Variants in POU6F2 observed in about 807,000 individuals in gnomAD.
The protein encoded by POU6F2 is POU class 6 homeobox 2, also known as POU domain, class 6, transcription factor 2.
A neutral mutation model predicts 71.3 loss-of-function variants in POU6F2; 31 were observed. The ratio of observed to expected loss-of-function variants is 0.43; its 90% CI spans 0.33 to 0.59. The LOEUF is 0.59. Ranked by LOEUF, POU6F2 falls within the 20% of genes least tolerant of loss-of-function variation. POU6F2 has a pLI of 0.04. For missense variants in POU6F2, 783 were observed against 856.8 expected (o/e 0.91, Z 1.07); for synonymous variants, 347 against 355.7 (o/e 0.98, Z 0.27).
chr7:39,107,421 TA>T (rs1189026091), intron 2 of POU6F2, among the ~76,000 whole-genome samples: 2 of 152,208 alleles, frequency 1.3e-5, no homozygotes, highest in Non-Finnish European at 2.9e-5. Flanking sequence ...TCAACTTTTG[TA>T]GACTGTTAGA....
chr7:39,100,605 T>C (rs1165296613), intron 2 of POU6F2, among the ~76,000 whole-genome samples: 6 of 152,238 alleles, frequency 3.9e-5, no homozygotes, highest in Admixed American at 3.3e-4. Context: ...TTGAAAAATA[T>C]TAAATCATGG....
intron 3 of POU6F2, among the ~76,000 whole-genome samples, chr7:39,205,813 C>G (rs897575791): frequency 3.3e-5 from 5 of 152,274 alleles, no homozygotes; most frequent in African/African-American, 4.8e-5. Context: ...AGAGTCTCCC[C>G]CAAAGGGTCC....
At chr7:39,274,029 T>C (rs1784388872) in intron 4 of POU6F2, among the ~76,000 whole-genome samples, 2 of 152,178 alleles carry the variant, frequency 1.3e-5, no homozygotes, top group South Asian at 2.1e-4. Flanking sequence ...AAACTAACAG[T>C]TGTATTCAAG....
At chr7:39,116,617 C>A (rs552066497) in intron 2 of POU6F2, among the ~76,000 whole-genome samples, 2 of 152,216 alleles carry the variant, frequency 1.3e-5, no homozygotes, top group African/African-American at 4.8e-5. Flanking sequence ...GAACTCAGGT[C>A]TCTCTGGCCC....
chr7:39,236,416 C>T (rs1037583112), intron 4 of POU6F2, among the ~76,000 whole-genome samples: 2 of 152,118 alleles, frequency 1.3e-5, no homozygotes, highest in African/African-American at 2.4e-5. Context: ...ATTGTGTTTG[C>T]ATTTTTTTTC....
chr7:39,041,306 G>A (rs1007555718), intron 1 of POU6F2, among the ~76,000 whole-genome samples: 10 of 151,992 alleles, frequency 6.6e-5, no homozygotes, highest in Non-Finnish European at 1.3e-4. Flanking sequence ...AAAGAAGTAT[G>A]ATGCTTATAT....
At chr7:39,289,611 A>T (rs1457073992) in intron 4 of POU6F2, among the ~76,000 whole-genome samples, 1 of 152,218 alleles carries the variant, frequency 6.6e-6, no homozygotes, top group African/African-American at 2.4e-5. Flanking sequence ...TTGAAATTCT[A>T]GTGTAGCTCT....
intron 5 of POU6F2, among the ~76,000 whole-genome samples, chr7:39,372,026 C>A (rs900894824): frequency 6.6e-6 from 1 of 152,192 alleles, no homozygotes; most frequent in South Asian, 2.1e-4. Flanking sequence ...AGCAATCCTC[C>A]TGCTTCAGCC....
At chr7:39,463,359 G>A (rs1788991833) in intron 9 of POU6F2, among the ~76,000 whole-genome samples, 1 of 152,208 alleles carries the variant, frequency 6.6e-6, no homozygotes, top group Non-Finnish European at 1.5e-5. Context: ...ACAGTTTGCA[G>A]ATATCACACA....
chr7:39,032,124 G>A (rs886449261), intron 1 of POU6F2, among the ~76,000 whole-genome samples: 23 of 152,166 alleles, frequency 1.5e-4, no homozygotes, highest in Admixed American at 5.9e-4. Flanking sequence ...CATTTGATAC[G>A]ACATAGACTT....
At chr7:39,119,319 A>G (rs1791995629) in intron 2 of POU6F2, among the ~76,000 whole-genome samples, 2 of 152,286 alleles carry the variant, frequency 1.3e-5, no homozygotes, top group Admixed American at 1.3e-4. Flanking sequence ...ATAGAAAATT[A>G]CTAAATAGAC....
intron 5 of POU6F2, among the ~76,000 whole-genome samples, chr7:39,375,548 G>T (rs1205191457): frequency 4.0e-5 from 6 of 151,450 alleles, no homozygotes; most frequent in Non-Finnish European, 5.9e-5. Flanking sequence ...CTTCTTCCTG[G>T]CTTACTGCTC....
intron 4 of POU6F2, among the ~76,000 whole-genome samples, chr7:39,255,180 T>C (rs1783997634): frequency 6.6e-6 from 1 of 152,226 alleles, no homozygotes; most frequent in Non-Finnish European, 1.5e-5. Flanking sequence ...ATGATCACTT[T>C]AAAAAATTAA....
At position 39,089,740 on chromosome 7, in the gene POU6F2, T is replaced by C. The variant is rs562549193; in HGVS notation, c.277+3709T>C. On this transcript the variant is annotated intron_variant, in intron 2 of 9. Coordinates refer to ENST00000518318, the MANE Select transcript of POU6F2 (RefSeq NM_001370959.1). Reference sequence around the variant, plus strand: ...GTAATATATATCCTTGGAAAAAATATGTGTGCTAAAGTTTTCCCATGCACT... The same window carrying C: ...GTAATATATATCCTTGGAAAAAATACGTGTGCTAAAGTTTTCCCATGCACT... 1.1e-4 allele frequency among the ~76,000 whole-genome samples: 17 copies of C among 152,312 alleles called. No homozygotes were observed. The East Asian group carries it at 1.9e-3, about 17-fold the overall frequency.
intron 4 of POU6F2, among the ~76,000 whole-genome samples, chr7:39,300,364 G>C (rs779103006): frequency 1.3e-5 from 2 of 152,184 alleles, no homozygotes; most frequent in Non-Finnish European, 2.9e-5. Flanking sequence ...GGGCAGAGGA[G>C]TGATAGGGAC....
chr7:39,357,511 G>A (rs960860394), intron 5 of POU6F2, among the ~76,000 whole-genome samples: 1 of 152,052 alleles, frequency 6.6e-6, no homozygotes, highest in Non-Finnish European at 1.5e-5. Context: ...CCTTTTAACC[G>A]GGGTAGTCTC....
At chr7:39,285,800 G>C (rs879507533) in intron 4 of POU6F2, among the ~76,000 whole-genome samples, 3 of 152,180 alleles carry the variant, frequency 2.0e-5, no homozygotes, top group Non-Finnish European at 4.4e-5. Flanking sequence ...GCAACTCCAT[G>C]TTCCCCCATC....
chr7:38,986,686 T>G (rs859517), intron 1 of POU6F2, among the ~76,000 whole-genome samples: 48,044 of 151,994 alleles, frequency 0.32, 7,780 homozygotes, highest in Non-Finnish European at 0.35. Context: ...TAACAGTAAT[T>G]TCTGCATATG....
intron 5 of POU6F2, chr7:39,405,947 A>G (rs542965083): frequency 2.0e-5 from 3 of 152,168 alleles, no homozygotes; most frequent in Non-Finnish European, 4.4e-5. Flanking sequence ...TCATCGAACA[A>G]CCTTTCTCAT....
Sources: gnomAD v4.1 joint callset for allele counts (sites outside exome capture counted in the v4.1 genomes callset) on GRCh38, gnomAD v4.1.1 for gene constraint, MANE v1.5 for transcripts, NCBI Gene and HGNC (gene_info 2026-07-23, HGNC 2026-07-21) for gene names.